The following AGBL4 variants were observed in gnomAD, a reference collection of about 807,000 sequenced individuals.
AGBL4 encodes the protein AGBL carboxypeptidase 4.
AGBL4 carries 58 observed loss-of-function variants against 66.4 expected under a neutral mutation model. That is an observed-to-expected ratio of 0.87 (90% CI 0.71 to 1.09). AGBL4 has a LOEUF of 1.09. Ranked by LOEUF, AGBL4 falls within the 50% of genes least tolerant of loss-of-function variation. The pLI is 0.00. For missense variants in AGBL4, 579 were observed against 631.0 expected, an observed-to-expected ratio of 0.92 and a Z score of 0.88; for synonymous variants, 234 against 222.9, an observed-to-expected ratio of 1.05 and a Z score of -0.44.
At position 49,669,341 on chromosome 1, in the gene AGBL4, A is replaced by T. The variant is rs866246405; in HGVS notation, c.282+27972T>A. ...CTGTATGTTATTTTGAAAAGCTGGG[A>T]CTTTACTTTGAGGACTAATTAGAAG... On this transcript the variant is annotated intron_variant, in intron 3 of 13. Transcript: ENST00000371839. Among the ~76,000 whole-genome samples, 4 of 152,174 alleles carry T rather than the reference A, an allele frequency of 2.6e-5. No individual in the cohort carries two copies. The South Asian group carries it at 8.3e-4, about 32-fold the overall frequency.
intron 5 of AGBL4, among the ~76,000 whole-genome samples, chr1:48,982,613 T>A (rs1156281944): frequency 6.6e-6 from 1 of 152,198 alleles, no homozygotes; most frequent in Non-Finnish European, 1.5e-5. Flanking sequence ...GTTGGACATT[T>A]GGGTTGGTTC....
At position 48,549,056 on chromosome 1, in the gene AGBL4, C is replaced by T. The variant is rs775140777; in HGVS notation, c.1268-9318G>A. On this transcript the variant is annotated intron_variant, in intron 11 of 13. Coordinates refer to ENST00000371839, the MANE Select transcript of AGBL4 (RefSeq NM_032785.4). ...AATAAGAAAATTGAATTCCTACCTGCTCCCTGTTTGGAAACTCCCACCTAG... is the reference window on the plus strand; with the variant it reads ...AATAAGAAAATTGAATTCCTACCTGTTCCCTGTTTGGAAACTCCCACCTAG... Among the ~76,000 whole-genome samples, 33 of 152,318 alleles carry T rather than the reference C, an allele frequency of 2.2e-4. 1 individual carries two copies. Among genetic ancestry groups the T allele is most frequent in the Middle Eastern group, 3.4e-3 (1 of 294 alleles).
intron 5 of AGBL4, among the ~76,000 whole-genome samples, chr1:49,044,455 C>T (rs1330145100): frequency 6.6e-6 from 1 of 151,676 alleles, no homozygotes; most frequent in African/African-American, 2.4e-5. Context: ...AAGATCTTGC[C>T]ACTGCACTCC....
intron 6 of AGBL4, among the ~76,000 whole-genome samples, chr1:48,743,396 A>T (rs1372150995): frequency 6.6e-6 from 1 of 152,262 alleles, no homozygotes; most frequent in Non-Finnish European, 1.5e-5. Context: ...AAGCTAGATA[A>T]ATGGTGATAG....
intron 3 of AGBL4, among the ~76,000 whole-genome samples, chr1:49,363,021 AAC>A (rs1644173472): frequency 6.6e-6 from 1 of 152,170 alleles, no homozygotes. Flanking sequence ...AACTGCATAT[AAC>A]AGTCAAGGTC....
chr1:49,600,572 G>A (rs1472741565), intron 3 of AGBL4, among the ~76,000 whole-genome samples: 6 of 152,200 alleles, frequency 3.9e-5, no homozygotes, highest in Non-Finnish European at 5.9e-5. Context: ...CAATTTGCCA[G>A]TCTGTGTATT....
chr1:49,075,011 A>G (rs891859071), intron 4 of AGBL4, among the ~76,000 whole-genome samples: 1 of 152,238 alleles, frequency 6.6e-6, no homozygotes. Flanking sequence ...ATCAGAAAAA[A>G]TTATTTGATT....
intron 2 of AGBL4, among the ~76,000 whole-genome samples, chr1:49,740,578 C>A (rs1321177182): frequency 2.6e-5 from 4 of 152,158 alleles, no homozygotes; most frequent in Non-Finnish European, 5.9e-5. Context: ...ACTCTCCACC[C>A]CAAATCAACA....
chr1:48,979,463 A>G (rs141197005), intron 5 of AGBL4, among the ~76,000 whole-genome samples: 3 of 152,260 alleles, frequency 2.0e-5, no homozygotes, highest in African/African-American at 7.2e-5. Context: ...AAAATCACAT[A>G]TGTAGTTGAA....
At chr1:49,455,537 T>A (rs892043091) in intron 3 of AGBL4, among the ~76,000 whole-genome samples, 1 of 151,696 alleles carries the variant, frequency 6.6e-6, no homozygotes, top group African/African-American at 2.4e-5. Flanking sequence ...TTCCTTACCA[T>A]CTCCATTGCT....
At chr1:49,654,758 T>A (rs1021095134) in intron 3 of AGBL4, among the ~76,000 whole-genome samples, 1 of 152,202 alleles carries the variant, frequency 6.6e-6, no homozygotes, top group African/African-American at 2.4e-5. Flanking sequence ...CTGCCTTTTT[T>A]TGCTTTCCAT....
chr1:48,693,904 G>C lies in AGBL4; in HGVS notation c.635-30663C>G, dbSNP rs149002613. 3.8e-3 allele frequency among the ~76,000 whole-genome samples: 573 copies of C among 152,180 alleles called. 2 individuals are homozygous for C. The highest frequency in any genetic ancestry group is 0.013 in the African/African-American group (535 of 41,524). On this transcript the variant is annotated intron_variant, in intron 6 of 13. Coordinates refer to ENST00000371839, the MANE Select transcript of AGBL4 (RefSeq NM_032785.4). ...GGGCTCCAGGGGGCCACGGAATTGC[G>C]AGGATCTGGATCTGGCTTCTGAGTC...
rs1000912228 is a variant in AGBL4 at position 48,593,442 on chromosome 1, T to C, written c.952-2457A>G. The stretch of plus-strand genomic sequence containing the variant: ...ATTTGTATATATATTATTTCACACA[T>C]ACACAATTGTATGTAAAATAAATTC... On this transcript the variant is annotated intron_variant, in intron 9 of 13. Transcript: ENST00000371839. Among the ~76,000 whole-genome samples, 4 of 152,250 alleles carry C rather than the reference T, an allele frequency of 2.6e-5. No individual in the cohort carries two copies. In the East Asian group the frequency reaches 7.7e-4, roughly 29 times the overall value.
At chr1:48,786,675 A>AT (rs1645414619) in intron 6 of AGBL4, among the ~76,000 whole-genome samples, 1 of 152,136 alleles carries the variant, frequency 6.6e-6, no homozygotes, top group Non-Finnish European at 1.5e-5. Context: ...CAGAGTCTGA[A>AT]TTTTTTAAGC....
At chr1:48,958,684 G>A (rs902340906) in intron 5 of AGBL4, among the ~76,000 whole-genome samples, 8 of 152,148 alleles carry the variant, frequency 5.3e-5, no homozygotes, top group African/African-American at 1.9e-4. Flanking sequence ...GACTGGCCAG[G>A]GCTGGCAGTG....
intron 2 of AGBL4, among the ~76,000 whole-genome samples, chr1:49,765,743 A>G (rs1240721261): frequency 6.6e-6 from 1 of 152,134 alleles, no homozygotes; most frequent in Non-Finnish European, 1.5e-5. Flanking sequence ...TATCTTGAAA[A>G]ATCAATCAGA....
chr1:48,916,619 G>T (rs1653608516), intron 5 of AGBL4, among the ~76,000 whole-genome samples: 1 of 152,068 alleles, frequency 6.6e-6, no homozygotes, highest in African/African-American at 2.4e-5. Context: ...TGTGACTGAT[G>T]AGAGACAAGC....
chr1:49,849,375 A>G (rs926291595), intron 2 of AGBL4, among the ~76,000 whole-genome samples: 1 of 147,802 alleles, frequency 6.8e-6, no homozygotes, highest in Non-Finnish European at 1.5e-5. Flanking sequence ...CCTTTCTAAG[A>G]TGTCCTCATT....
chr1:49,305,979 C>T (rs1054597102), intron 3 of AGBL4, among the ~76,000 whole-genome samples: 1 of 152,122 alleles, frequency 6.6e-6, no homozygotes, highest in African/African-American at 2.4e-5. Context: ...CGTAAGCCAC[C>T]GTGCCTGGCC....
Sources: allele counts gnomAD v4.1 joint callset (sites outside exome capture counted in the v4.1 genomes callset), GRCh38; gene constraint gnomAD v4.1.1; transcripts MANE v1.5; gene names NCBI Gene and HGNC (gene_info 2026-07-23, HGNC 2026-07-21).